The following DCLK2 variants were observed in gnomAD, a reference collection of about 807,000 sequenced individuals.
The protein encoded by DCLK2 is serine/threonine-protein kinase DCLK2.
A neutral mutation model predicts 78.4 loss-of-function variants in DCLK2; 31 were observed. The observed-to-expected ratio is 0.40, with a 90% confidence interval of 0.30 to 0.53. The LOEUF is 0.53. Ranked by LOEUF, DCLK2 falls within the 20% of genes least tolerant of loss-of-function variation. DCLK2 has a pLI of 0.61. For synonymous variants in DCLK2, 407 were observed against 374.9 expected (o/e 1.09, Z -0.99); for missense variants, 872 against 973.7 (o/e 0.90, Z 1.39).
intron 1 of DCLK2, among the ~76,000 whole-genome samples, chr4:150,096,831 G>A (rs557444548): frequency 6.6e-6 from 1 of 152,316 alleles, no homozygotes; most frequent in Admixed American, 6.5e-5. Flanking sequence ...AAGAGTGGGC[G>A]ATGAAGTGGA....
At chr4:150,147,656 A>G (rs952244543) in intron 2 of DCLK2, among the ~76,000 whole-genome samples, 3 of 137,048 alleles carry the variant, frequency 2.2e-5, no homozygotes, top group African/African-American at 8.1e-5. Flanking sequence ...TACAATTTGT[A>G]TTGTAAAAAC....
At chr4:150,106,634 C>A (rs944910130) in intron 2 of DCLK2, among the ~76,000 whole-genome samples, 3 of 152,184 alleles carry the variant, frequency 2.0e-5, no homozygotes, top group African/African-American at 7.2e-5. Flanking sequence ...AACTTTTAGG[C>A]AATTCACCAT....
Position 150,248,206 on chromosome 4 carries a change from C to T in DCLK2, c.1876-99C>T, listed in dbSNP as rs557705451. The stretch of plus-strand genomic sequence containing the variant: ...GAATCAGTTAGCAGCTGTGCTGGCT[C>T]TTCTCTGAAGTGCTTGCCACAAACT... On this transcript the variant is annotated intron_variant, in intron 13 of 15. Coordinates refer to ENST00000296550, the MANE Select transcript of DCLK2 (RefSeq NM_001040260.4). 495 of 987,818 alleles carry T rather than the reference C, an allele frequency of 5.0e-4. 1 individual carries two copies. Among genetic ancestry groups the T allele is most frequent in the Non-Finnish European group, 7.1e-4 (448 of 632,392 alleles). 61.2% of individuals were successfully genotyped at this position (987,818 alleles called of 1,614,324 possible).
chr4:150,220,850 A>C, intron 6 of DCLK2, 72 bp downstream of exon 6: 46 of 1,205,240 alleles, frequency 3.8e-5, no homozygotes, highest in Non-Finnish European at 5.1e-5. Flanking sequence ...CCTAAAACTC[A>C]CTTGTGCTAA....
rs756725582 is a variant in DCLK2, at chr4:150,247,589, T to A, written c.1779-14T>A. 24 of 1,609,518 alleles carry A rather than the reference T, an allele frequency of 1.5e-5. No homozygotes were observed. Among genetic ancestry groups the A allele is most frequent in the Non-Finnish European group, 2.0e-5 (23 of 1,177,270 alleles). On this transcript the variant is annotated splice_polypyrimidine_tract_variant and intron_variant, in intron 12 of 15. Coordinates refer to ENST00000296550, the MANE Select transcript of DCLK2 (RefSeq NM_001040260.4). ...GACTTTGACTTTTCTTCCATTTCTT[T>A]GTCACTGGCTTAGTGAGAACAATCT...
At chr4:150,161,112 T>G (rs1214078236) in intron 2 of DCLK2, among the ~76,000 whole-genome samples, 1 of 152,168 alleles carries the variant, frequency 6.6e-6, no homozygotes, top group Admixed American at 6.5e-5. Flanking sequence ...TTAAAGTATA[T>G]AGATTGTGAA....
intron 2 of DCLK2, among the ~76,000 whole-genome samples, chr4:150,185,336 C>T (rs928804315): frequency 3.3e-5 from 5 of 152,176 alleles, no homozygotes; most frequent in African/African-American, 1.2e-4. Flanking sequence ...GTTTCTCCTC[C>T]AACGCGTGGG....
At chr4:150,196,014 G>A (rs116489542) in intron 3 of DCLK2, among the ~76,000 whole-genome samples, 1,923 of 152,118 alleles carry the variant, frequency 0.013, 45 homozygotes, top group African/African-American at 0.044. Flanking sequence ...TTTACAATGA[G>A]CAAGTCTCAG....
At chr4:150,139,231 T>C (rs922757189) in intron 2 of DCLK2, among the ~76,000 whole-genome samples, 41 of 152,196 alleles carry the variant, frequency 2.7e-4, no homozygotes, top group African/African-American at 8.4e-4. Context: ...AAACATTTAT[T>C]GTGGACCTGC....
At chr4:150,220,581 GA>G (rs1741109078) in intron 5 of DCLK2, 121 bp from the exon 6 acceptor site, 1 of 700,574 alleles carries the variant, frequency 1.4e-6, no homozygotes, top group South Asian at 1.8e-5. Context: ...AGAAGAAAGG[GA>G]ACGCCTCCTC....
Position 150,193,204 on chromosome 4 carries a change from C to T in DCLK2, c.823C>T (p.Arg275Cys), listed in dbSNP as rs1738599074. The T allele has an allele frequency of 3.7e-6, 6 of 1,611,462 alleles. No homozygotes were observed. The highest frequency in any genetic ancestry group is 2.2e-5 in the East Asian group (1 of 44,780). Residue 275 changes from arginine to cysteine, a missense_variant, in exon 3 of 16, where the codon CGT becomes TGT. This residue lies in a region of DCLK2 where 567 missense variants were observed against 593.4 expected (regional missense o/e 0.96). Coordinates refer to ENST00000296550, the MANE Select transcript of DCLK2 (RefSeq NM_001040260.4). ...TATTGCATGTGGACCAGAAAAATTT[C>T]GTTATGCCCAAGATGACTTTGTCCT... ...VFIACGPEKF[R>C]YAQDDFVLDH...
At chr4:150,168,671 A>G (rs1467978184) in intron 2 of DCLK2, among the ~76,000 whole-genome samples, 2 of 152,180 alleles carry the variant, frequency 1.3e-5, no homozygotes, top group African/African-American at 4.8e-5. Flanking sequence ...ATGTGTGGCC[A>G]CTATTGCAAT....
At position 150,088,741 on chromosome 4, in the gene DCLK2, A is replaced by G. The variant is rs146866268; in HGVS notation, c.421+9293A>G. On this transcript the variant is annotated intron_variant, in intron 1 of 15. Transcript: ENST00000296550. ...AATGGAAAATTCCATACTTAACCTC[A>G]TGTGACAGGTTGCAGTCAAAATGCA... Among the ~76,000 whole-genome samples the G allele has an allele frequency of 3.0e-4, 46 of 152,330 alleles. 1 individual carries two copies. The East Asian group carries it at 7.7e-3, about 26-fold the overall frequency.
At chr4:150,232,492 C>T (rs998565198) in intron 9 of DCLK2, 36 bp downstream of exon 9, 3 of 1,606,436 alleles carry the variant, frequency 1.9e-6, no homozygotes, top group African/African-American at 1.3e-5. Context: ...GTGCCTAGTC[C>T]CACAATTTAC....
rs996579896 is a variant in DCLK2 at position 150,232,787 on chromosome 4, C to A, written c.1525C>A (p.Leu509Ile). 3.1e-6 allele frequency: 5 copies of A among 1,614,000 alleles called. No individual in the cohort carries two copies. Among genetic ancestry groups the A allele is most frequent in the Non-Finnish European group, 4.2e-6 (5 of 1,180,016 alleles). The part of the protein sequence containing the change: ...LANALRYLHG[L>I]SIVHRDIKPE... Reference sequence around the variant, plus strand: ...CAATGCCCTCAGGTATCTCCATGGCCTCAGCATCGTGCACAGAGACATCAA... The same window carrying A: ...CAATGCCCTCAGGTATCTCCATGGCATCAGCATCGTGCACAGAGACATCAA... Residue 509 changes from leucine (L) to isoleucine (I), a missense_variant, in exon 10 of 16, where the codon CTC becomes ATC. Physicochemically the swap from Leu to Ile is conservative, Grantham distance 5 (BLOSUM62 2). Around this residue, in one of 3 missense-constraint regions of DCLK2, gnomAD observed 86 missense variants for 150.3 expected, o/e 0.57. Coordinates refer to ENST00000296550, the MANE Select transcript of DCLK2 (RefSeq NM_001040260.4).
chr4:150,157,513 G>C, intron 2 of DCLK2, among the ~76,000 whole-genome samples: 1 of 87,182 alleles, frequency 1.1e-5, no homozygotes, highest in Non-Finnish European at 2.9e-5. Context: ...TTGTTTGTTT[G>C]TTTGTTTGTT....
chr4:150,086,875 A>T (rs545276711), intron 1 of DCLK2, among the ~76,000 whole-genome samples: 1 of 152,296 alleles, frequency 6.6e-6, no homozygotes, highest in East Asian at 1.9e-4. Context: ...AAGCCCGCTA[A>T]TATTTTCAGT....
chr4:150,200,085 C>T (rs2126432692), intron 4 of DCLK2, among the ~76,000 whole-genome samples: 1 of 152,246 alleles, frequency 6.6e-6, no homozygotes, highest in East Asian at 1.9e-4. Flanking sequence ...AATTTTGTCC[C>T]CCTGAGGTCA....
At chr4:150,201,065 G>A (rs1354796144) in intron 4 of DCLK2, among the ~76,000 whole-genome samples, 3 of 152,112 alleles carry the variant, frequency 2.0e-5, no homozygotes, top group South Asian at 2.1e-4. Context: ...TGATCCACCC[G>A]CCTCAGCCTC....
Sources: gnomAD v4.1 joint callset for allele counts (sites outside exome capture counted in the v4.1 genomes callset) on GRCh38, gnomAD v4.1.1 for gene constraint, gnomAD v4.1.1 regional missense constraint, MANE v1.5 for transcripts, NCBI Gene and HGNC (gene_info 2026-07-23, HGNC 2026-07-21) for gene names.